POLRMT: variants seen among roughly 807,000 people sequenced by gnomAD.
POLRMT encodes the protein RNA polymerase mitochondrial.
POLRMT carries 114 observed loss-of-function variants against 132.2 expected under a neutral mutation model. The observed-to-expected ratio is 0.86, with a 90% confidence interval of 0.74 to 1.01. The LOEUF (loss-of-function observed/expected upper bound fraction) is 1.01, where lower values mean the gene tolerates loss of function less well. Ranked by LOEUF, POLRMT falls within the 50% of genes least tolerant of loss-of-function variation. The pLI is 0.00. For synonymous variants in POLRMT, 1,020 were observed against 773.4 expected (o/e 1.32, Z -5.29); for missense variants, 2,003 against 1,729.1 (o/e 1.16, Z -2.81).
chr19:617,385 C>G (rs372466780), intron 20 of POLRMT, 34 bp downstream of exon 20: 1 of 1,612,238 alleles, frequency 6.2e-7, no homozygotes, highest in Non-Finnish European at 8.5e-7. Context: ...GCCCGCAGTT[C>G]GAGCCACCCT....
chr19:624,117 C>T (rs921074750), intron 5 of POLRMT, among the ~76,000 whole-genome samples: 22 of 152,350 alleles, frequency 1.4e-4, no homozygotes, highest in Non-Finnish European at 2.4e-4. Context: ...GGGCACGGCG[C>T]GGCCATCCAC....
intron 17 of POLRMT, 40 bp from the exon 18 acceptor site, chr19:617,889 A>C: frequency 1.9e-6 from 3 of 1,586,720 alleles, no homozygotes; most frequent in Non-Finnish European, 2.6e-6. Context: ...AGGGGAGCTC[A>C]CAGGGCCACC....
Position 629,601 on chromosome 19 carries a change from T to G in POLRMT, c.761A>C (p.Gln254Pro). 6.2e-7 allele frequency: 1 copy of G among 1,602,086 alleles called. No individual in the cohort carries two copies. Among genetic ancestry groups the G allele is most frequent in the Non-Finnish European group, 8.5e-7 (1 of 1,175,658 alleles). ...HLLVVHHGQR[Q>P]KRKLLTLDMY... ...GTCCAGCGTGAGCAGCTTCCGCTTC[T>G]GCCGCTGGCCGTGGTGGACGACCAG... The change falls in exon 3 of 21, where the codon CAG becomes CCG. Residue 254 changes from glutamine (Q) to proline (P), a missense_variant. Transcript: ENST00000588649.
intron 1 of POLRMT, 68 bp from the exon 2 acceptor site, chr19:633,006 G>T: frequency 1.4e-5 from 16 of 1,176,764 alleles, no homozygotes; most frequent in Non-Finnish European, 1.6e-5. Flanking sequence ...AAAGGCAGAA[G>T]CCGAAGGGTC....
At chr19:617,696 G>T in intron 18 of POLRMT, 41 bp from the exon 19 acceptor site, 2 of 1,611,096 alleles carry the variant, frequency 1.2e-6, no homozygotes. Flanking sequence ...GATCAGGCAG[G>T]CTCTGGGCAC....
intron 2 of POLRMT, among the ~76,000 whole-genome samples, chr19:631,342 G>C (rs981505282): frequency 1.3e-5 from 2 of 150,364 alleles, no homozygotes; most frequent in African/African-American, 4.9e-5. Context: ...AAAAAAAGGG[G>C]GGGGGGGACC....
intron 3 of POLRMT, among the ~76,000 whole-genome samples, chr19:629,166 G>A (rs750693347): frequency 1.6e-4 from 25 of 152,054 alleles, no homozygotes; most frequent in Non-Finnish European, 3.2e-4. Flanking sequence ...CAGCACAGCA[G>A]CCCGACCTTC....
Position 618,476 on chromosome 19 carries a change from G to T in POLRMT, c.3422+12C>A. On this transcript the variant is annotated intron_variant, in intron 17 of 20. Transcript: ENST00000588649. ...GAGGCGAGCGGCACCCACGCCGTCC[G>T]GAGACGCCCACCTGTAGCAGTGCAG... The T allele has an allele frequency of 6.3e-7, 1 of 1,584,928 alleles. No homozygotes were observed. Among genetic ancestry groups the T allele is most frequent in the African/African-American group, 1.3e-5 (1 of 74,366 alleles).
Position 618,961 on chromosome 19 carries a change from G to C in POLRMT, c.3267+36C>G, listed in dbSNP as rs751332660. 29 of 1,494,744 alleles carry C rather than the reference G, an allele frequency of 1.9e-5. No individual in the cohort carries two copies. The East Asian group carries it at 5.8e-4, about 30-fold the overall frequency. The allele number at this position is 1,494,744 out of a possible 1,614,324, so 92.6% of individuals were successfully genotyped here. A position where few individuals can be genotyped will look rare whatever the true frequency, so the allele number is the denominator to read the frequency against. Reference sequence around the variant, plus strand: ...ACTGGGACGCTGTTACACTGGGATGGTGGCACACTGGGGAGGGATGGGGTG... The same window carrying C: ...ACTGGGACGCTGTTACACTGGGATGCTGGCACACTGGGGAGGGATGGGGTG... On this transcript the variant is annotated intron_variant, in intron 15 of 20. Coordinates refer to ENST00000588649, the MANE Select transcript of POLRMT (RefSeq NM_005035.4).
intron 19 of POLRMT, 43 bp downstream of exon 19, chr19:617,527 G>GT (rs1288546343): frequency 4.4e-6 from 7 of 1,605,686 alleles, no homozygotes; most frequent in African/African-American, 4.0e-5. Flanking sequence ...AGGTTTTGGG[G>GT]TGGGGGGGGA....
chr19:624,198 GGA>G (rs1245327002), intron 5 of POLRMT, among the ~76,000 whole-genome samples: 1 of 152,224 alleles, frequency 6.6e-6, no homozygotes, highest in Non-Finnish European at 1.5e-5. Context: ...ACGCTCAGTG[GGA>G]GATGCCAAAC....
intron 3 of POLRMT, among the ~76,000 whole-genome samples, chr19:625,901 C>G (rs1344420272): frequency 1.3e-5 from 2 of 151,960 alleles, no homozygotes; most frequent in Non-Finnish European, 2.9e-5. Context: ...CGGGGTTTCA[C>G]CATGCTGGCC....
At position 617,833 on chromosome 19, in the gene POLRMT, C is replaced by A. The variant is rs151178174; in HGVS notation, c.3439G>T (p.Val1147Phe). 1 of 1,613,238 alleles carries A rather than the reference C, an allele frequency of 6.2e-7. No individual in the cohort carries two copies. ...GTCCAGTAACAGTCGTGCACAGAGACGAAGGTCAGGCCCTTCCTGTGGCAG... is the reference window on the plus strand; with the variant it reads ...GTCCAGTAACAGTCGTGCACAGAGAAGAAGGTCAGGCCCTTCCTGTGGCAG... ...LHCYRKGLTF[V>F]SVHDCYWTHA... The change falls in exon 18 of 21, where the codon GTC becomes TTC. Residue 1147 changes from valine (V) to phenylalanine (F), a missense_variant. Transcript: ENST00000588649.
rs2238547 is a variant in POLRMT at position 621,712 on chromosome 19, A to G, written c.1986T>C (p.Ala662=). Residue 662 remains alanine (A), a synonymous_variant, in exon 10 of 21, where the codon GCT becomes GCC. Coordinates refer to ENST00000588649, the MANE Select transcript of POLRMT (RefSeq NM_005035.4). ...PLPWTSPHSG[A]FLLSPTKLMR... ...TCAGCTTGGTGGGGCTGAGCAGGAAAGCACCAGAGTGCGGCGATGTCCAGG... is the reference window on the plus strand; with the variant it reads ...TCAGCTTGGTGGGGCTGAGCAGGAAGGCACCAGAGTGCGGCGATGTCCAGG... The G allele has an allele frequency of 0.5, 786,995 of 1,585,774 alleles. 201,846 individuals are homozygous for G. The highest frequency in any genetic ancestry group is 0.74 in the South Asian group (66,712 of 89,962).
In POLRMT at chr19:617,399, G is replaced by A. The variant is rs374814253; in HGVS notation, c.3643+20C>T. On this transcript the variant is annotated intron_variant, in intron 20 of 20. Transcript: ENST00000588649. Reference sequence around the variant, plus strand: ...GGCCCGCAGTTCGAGCCACCCTTGCGAGGCTGCCCACCCGCCTACCTGGCT... The same window carrying A: ...GGCCCGCAGTTCGAGCCACCCTTGCAAGGCTGCCCACCCGCCTACCTGGCT... 4.4e-5 allele frequency: 71 copies of A among 1,612,200 alleles called. No homozygotes were observed. In the East Asian group the frequency reaches 7.1e-4, roughly 16 times the overall value.
rs559530795 is a variant in POLRMT, at chr19:621,629, G to C, written c.2069C>G (p.Thr690Ser). 43 of 1,528,144 alleles carry C rather than the reference G, an allele frequency of 2.8e-5. No homozygotes were observed. The African/African-American group carries it at 4.2e-4, about 15-fold the overall frequency. The allele number at this position is 1,528,144 out of a possible 1,614,324, so 94.7% of individuals were successfully genotyped here. A position where few individuals can be genotyped will look rare whatever the true frequency, so the allele number is the denominator to read the frequency against. Residue 690 changes from threonine to serine, a missense_variant, in exon 10 of 21, where the codon ACC becomes AGC. By Grantham distance (58) the Thr-to-Ser change is moderately conservative. Coordinates refer to ENST00000588649, the MANE Select transcript of POLRMT (RefSeq NM_005035.4). ...GGCGTCCAGTGCGCCATGCAGCGCG[G>C]TGGGCGGGCAGGTTTCCAGCAGCTC... Reference protein sequence around the residue: ...HQELLETCPPTALHGALDALT... With the variant: ...HQELLETCPPSALHGALDALT...
chr19:625,012 G>T (rs1315614514), intron 4 of POLRMT, 107 bp from the exon 5 acceptor site: 6 of 1,519,456 alleles, frequency 3.9e-6, no homozygotes, highest in Non-Finnish European at 5.3e-6. Context: ...AGGTCTCGGT[G>T]TGGCTGTCAG....
In POLRMT at chr19:623,361, G is replaced by A. The variant is rs1984778341; in HGVS notation, c.1290+93C>T. The A allele has an allele frequency of 3.9e-6, 6 of 1,533,484 alleles. No homozygotes were observed. In the South Asian group the frequency reaches 4.9e-5, roughly 13 times the overall value. 95.0% of individuals were successfully genotyped at this position (1,533,484 alleles called of 1,614,324 possible). A position where few individuals can be genotyped will look rare whatever the true frequency, so the allele number is the denominator to read the frequency against. On this transcript the variant is annotated intron_variant, in intron 6 of 20. Coordinates refer to ENST00000588649, the MANE Select transcript of POLRMT (RefSeq NM_005035.4). ...CACGCGACCCCGGCTCAGCCCCTGC[G>A]GCGGACACGGGACCCCGGCTCAGCC... is the stretch of plus-strand genomic sequence containing the variant.
chr19:621,100 C>T lies in POLRMT; in HGVS notation c.2598G>A (p.Glu866=), dbSNP rs770658315. ...CGGAGTCCAGGATGTCATCCATCAC[C>T]TCCTCCGCAAAGGCCAGGCGCTTCC... ...PLRKRLAFAE[E]VMDDILDSAD... Residue 866 remains glutamate, a synonymous_variant, in exon 10 of 21, where the codon GAG becomes GAA. Transcript: ENST00000588649. 3 of 1,610,170 alleles carry T rather than the reference C, an allele frequency of 1.9e-6. No homozygotes were observed. The highest frequency in any genetic ancestry group is 2.7e-5 in the African/African-American group (2 of 74,670).
Sources: allele counts gnomAD v4.1 joint callset (sites outside exome capture counted in the v4.1 genomes callset), GRCh38; gene constraint gnomAD v4.1.1; transcripts MANE v1.5; gene names NCBI Gene and HGNC (gene_info 2026-07-23, HGNC 2026-07-21).